The following PAPSS1 variants were observed in gnomAD, a reference collection of about 807,000 sequenced individuals.
PAPSS1 encodes the protein 3'-phosphoadenosine 5'-phosphosulfate synthase 1.
PAPSS1 carries 50 observed loss-of-function variants against 72.0 expected under a neutral mutation model. The ratio of observed to expected loss-of-function variants is 0.69; its 90% CI spans 0.55 to 0.88. The LOEUF (loss-of-function observed/expected upper bound fraction) is 0.88, where lower values mean the gene tolerates loss of function less well. Among genes scored for constraint, PAPSS1 ranks in the 40% least tolerant of loss-of-function variants. The pLI, the probability that PAPSS1 is intolerant of heterozygous loss-of-function variation, is 0.00. For missense variants in PAPSS1, 657 were observed against 782.2 expected (o/e 0.84, Z 1.91); for synonymous variants, 261 against 263.6 (o/e 0.99, Z 0.09).
intron 9 of PAPSS1, among the ~76,000 whole-genome samples, chr4:107,651,295 T>C (rs1207917497): frequency 1.3e-5 from 2 of 152,218 alleles, no homozygotes; most frequent in East Asian, 3.8e-4. Flanking sequence ...AGGCCTCCAG[T>C]TCTTAACCCA....
chr4:107,678,487 C>T lies in PAPSS1; in HGVS notation c.669+3528G>A, dbSNP rs560725254. ...TGAAAAAAAGCAGTGAGATGAACTG[C>T]TTCCGAAGAGTGACAAGTCCCACCA... On this transcript the variant is annotated intron_variant, in intron 5 of 11. Transcript: ENST00000265174. Among the ~76,000 whole-genome samples the T allele has an allele frequency of 6.6e-5, 10 of 152,228 alleles. No homozygotes were observed. The South Asian group carries it at 1.2e-3, about 19-fold the overall frequency.
chr4:107,632,856 T>C (rs1462006518), intron 10 of PAPSS1, among the ~76,000 whole-genome samples: 2 of 152,240 alleles, frequency 1.3e-5, no homozygotes, highest in African/African-American at 2.4e-5. Flanking sequence ...AAATAAGGTA[T>C]AAATGATAAC....
Position 107,701,273 on chromosome 4 carries a change from C to T in PAPSS1, c.73G>A (p.Ala25Thr). Residue 25 changes from alanine to threonine, a missense_variant, in exon 2 of 12, where the codon GCA becomes ACA. Physicochemically the swap from Ala to Thr is moderately conservative, Grantham distance 58. Around this residue, in one of 7 missense-constraint regions of PAPSS1, gnomAD observed 48 missense variants for 31.9 expected, o/e 1.51. Coordinates refer to ENST00000265174, the MANE Select transcript of PAPSS1 (RefSeq NM_005443.5). ...TGGGCTTGGTAGGTGACATTGGTTG[C>T]TCTCTGCATTCCCTAGAAAAAAAAG... ...NNAQNWGMQRATNVTYQAHHV... is the reference protein window; with the variant it reads ...NNAQNWGMQRTTNVTYQAHHV... The T allele has an allele frequency of 1.9e-6, 3 of 1,611,112 alleles. No individual in the cohort carries two copies. The highest frequency in any genetic ancestry group is 2.5e-6 in the Non-Finnish European group (3 of 1,178,234).
Position 107,701,004 on chromosome 4 carries a change from C to CA in PAPSS1, c.175+166dup, listed in dbSNP as rs200655911. On this transcript the variant is annotated intron_variant, in intron 2 of 11. Coordinates refer to ENST00000265174, the MANE Select transcript of PAPSS1 (RefSeq NM_005443.5). The stretch of plus-strand genomic sequence containing the variant: ...ATTTAACAGCAATCCTATAAAAGAA[C>CA]AAAAAAAAAAATAACAAGAAATATT... Among the ~76,000 whole-genome samples the CA allele has an allele frequency of 8.9e-3, 1,116 of 125,264 alleles. 16 individuals carry two copies. Among genetic ancestry groups the CA allele is most frequent in the African/African-American group, 0.029 (1,048 of 36,572 alleles). The allele number at this position is 125,264 out of a possible 152,430, so 82.2% of individuals were successfully genotyped here.
chr4:107,702,210 G>T (rs1294993131), intron 1 of PAPSS1, among the ~76,000 whole-genome samples: 1 of 152,146 alleles, frequency 6.6e-6, no homozygotes, highest in Admixed American at 6.5e-5. Context: ...GGAAATATTG[G>T]AATCCTCATA....
chr4:107,691,760 G>A (rs149359256), intron 3 of PAPSS1, among the ~76,000 whole-genome samples: 1 of 152,260 alleles, frequency 6.6e-6, no homozygotes, highest in East Asian at 1.9e-4. Flanking sequence ...AATTACTTGA[G>A]TTAATTCACA....
intron 2 of PAPSS1, among the ~76,000 whole-genome samples, chr4:107,697,988 T>A (rs1407426014): frequency 6.6e-6 from 1 of 152,060 alleles, no homozygotes; most frequent in African/African-American, 2.4e-5. Context: ...CAGAAGAGAT[T>A]CTCCCTCAGC....
chr4:107,620,507 G>A (rs1190141976), intron 11 of PAPSS1, among the ~76,000 whole-genome samples: 1 of 152,188 alleles, frequency 6.6e-6, no homozygotes, highest in African/African-American at 2.4e-5. Flanking sequence ...CATTTGTCAT[G>A]TTTTCCTCCC....
In PAPSS1 at chr4:107,613,742, T is replaced by C. The variant is rs142833580; in HGVS notation, c.*507A>G. On this transcript the variant is annotated 3_prime_UTR_variant, in exon 12 of 12. Coordinates refer to ENST00000265174, the MANE Select transcript of PAPSS1 (RefSeq NM_005443.5). ...ACACAGATCATAAGAATACTTTAGA[T>C]TATAACAGCTGGAAAGACCAATAGC... The C allele has an allele frequency of 8.5e-5, 13 of 152,290 alleles. No individual in the cohort carries two copies. Among genetic ancestry groups the C allele is most frequent in the Non-Finnish European group, 1.2e-4 (8 of 68,042 alleles). 9.4% of individuals were successfully genotyped at this position (152,290 alleles called of 1,614,324 possible).
rs573563778 is a variant in PAPSS1 at position 107,623,367 on chromosome 4, T to G, written c.1736+8264A>C. 4.5e-4 allele frequency among the ~76,000 whole-genome samples: 69 copies of G among 152,296 alleles called. 1 individual carries two copies. The highest frequency in any genetic ancestry group is 4.5e-3 in the Admixed American group (69 of 15,290). ...CTGTTCATTAAGTATATATAAATAT[T>G]TATAGGAGTAAGTCGAGACCTAGGA... On this transcript the variant is annotated intron_variant, in intron 11 of 11. Coordinates refer to ENST00000265174, the MANE Select transcript of PAPSS1 (RefSeq NM_005443.5).
intron 5 of PAPSS1, among the ~76,000 whole-genome samples, chr4:107,680,832 G>A (rs1212237632): frequency 2.6e-5 from 4 of 152,104 alleles, no homozygotes; most frequent in Non-Finnish European, 5.9e-5. Flanking sequence ...CAGAGATGAT[G>A]AAGCATAAAA....
chr4:107,655,105 T>TAAAA (rs61591737), intron 7 of PAPSS1, among the ~76,000 whole-genome samples: 1 of 117,726 alleles, frequency 8.5e-6, no homozygotes, highest in Admixed American at 8.8e-5. Context: ...TCTCCCAAGT[T>TAAAA]AAAAAAAAAA....
intron 10 of PAPSS1, among the ~76,000 whole-genome samples, chr4:107,641,541 C>T (rs1726543191): frequency 6.6e-6 from 1 of 152,246 alleles, no homozygotes; most frequent in South Asian, 2.1e-4. Flanking sequence ...CCCTTATCCT[C>T]TCTGAGCTTC....
At chr4:107,657,350 T>C (rs926864177) in intron 6 of PAPSS1, among the ~76,000 whole-genome samples, 29 of 152,288 alleles carry the variant, frequency 1.9e-4, no homozygotes, top group South Asian at 4.1e-4. Flanking sequence ...CCCATGAATC[T>C]GTATTTCTAA....
chr4:107,637,772 A>G (rs986407542), intron 10 of PAPSS1, among the ~76,000 whole-genome samples: 24 of 152,174 alleles, frequency 1.6e-4, no homozygotes, highest in South Asian at 6.2e-4. Context: ...TTTGAATATT[A>G]TTTTCTAGAC....
chr4:107,647,547 T>G (rs1475045014), intron 9 of PAPSS1, among the ~76,000 whole-genome samples: 2 of 152,220 alleles, frequency 1.3e-5, no homozygotes, highest in Admixed American at 6.5e-5. Flanking sequence ...CATCTGCCTC[T>G]CTATGCTTTT....
rs375987480 is a variant in PAPSS1, at chr4:107,708,094, T to A, written c.61-6809A>T. 9.2e-5 allele frequency among the ~76,000 whole-genome samples: 14 copies of A among 152,296 alleles called. No homozygotes were observed. The East Asian group carries it at 2.7e-3, about 29-fold the overall frequency. On this transcript the variant is annotated intron_variant, in intron 1 of 11. Transcript: ENST00000265174. ...AGCTGCACCCCTTCCCATCTACTCATCTCATTAACAATAATTATTTACACA... is the reference window on the plus strand; with the variant it reads ...AGCTGCACCCCTTCCCATCTACTCAACTCATTAACAATAATTATTTACACA...
chr4:107,686,552 G>A (rs1722791731), intron 4 of PAPSS1, among the ~76,000 whole-genome samples: 1 of 152,220 alleles, frequency 6.6e-6, no homozygotes. Context: ...AACAGAATCA[G>A]TGATATGTTA....
intron 5 of PAPSS1, among the ~76,000 whole-genome samples, chr4:107,680,836 C>G (rs1727785900): frequency 6.6e-6 from 1 of 151,764 alleles, no homozygotes; most frequent in African/African-American, 2.4e-5. Context: ...GATGATGAAG[C>G]ATAAAACCTC....
Sources: gnomAD v4.1 joint callset for allele counts (sites outside exome capture counted in the v4.1 genomes callset) on GRCh38, gnomAD v4.1.1 for gene constraint, gnomAD v4.1.1 regional missense constraint, MANE v1.5 for transcripts, NCBI Gene and HGNC (gene_info 2026-07-23, HGNC 2026-07-21) for gene names.